Variants in FAT1 observed in about 807,000 individuals in gnomAD.
FAT1 encodes protocadherin Fat 1.
A neutral mutation model predicts 329.8 loss-of-function variants in FAT1; 171 were observed. That is an observed-to-expected ratio of 0.52 (90% confidence interval 0.46 to 0.59). The LOEUF is 0.59. FAT1 is among the 20% of genes least tolerant of loss of function. The pLI, the probability that FAT1 is intolerant of heterozygous loss-of-function variation, is 0.00. For synonymous variants in FAT1, 2,233 were observed against 2,228.6 expected, an observed-to-expected ratio of 1.00 and a Z score of -0.06; for missense variants, 5,672 against 5,774.4, an observed-to-expected ratio of 0.98 and a Z score of 0.57.
At chr4:186,669,981 G>T (rs1742657698) in intron 2 of FAT1, among the ~76,000 whole-genome samples, 1 of 152,178 alleles carries the variant, frequency 6.6e-6, no homozygotes. Flanking sequence ...CGCTGACACA[G>T]GTGGAACAGG....
chr4:186,656,679 C>A (rs327073), intron 3 of FAT1, among the ~76,000 whole-genome samples: 1 of 151,952 alleles, frequency 6.6e-6, no homozygotes, highest in African/African-American at 2.4e-5. Context: ...GGGTACAACA[C>A]AACAGCACAA....
At chr4:186,594,807 A>G (rs1164762268) in intron 26 of FAT1, among the ~76,000 whole-genome samples, 3 of 150,590 alleles carry the variant, frequency 2.0e-5, no homozygotes, top group African/African-American at 7.3e-5. Flanking sequence ...TGTATTATGG[A>G]CTATATTACT....
At chr4:186,711,864 G>C (rs111774077) in intron 1 of FAT1, among the ~76,000 whole-genome samples, 2 of 152,176 alleles carry the variant, frequency 1.3e-5, no homozygotes, top group African/African-American at 4.8e-5. Context: ...AGATTGCAGT[G>C]AGCCGAGATC....
At chr4:186,689,705 G>C (rs1222053019) in intron 2 of FAT1, among the ~76,000 whole-genome samples, 1 of 152,070 alleles carries the variant, frequency 6.6e-6, no homozygotes. Flanking sequence ...CAGGGTATCT[G>C]GCACCCACCC....
chr4:186,591,458 A>G (rs1313553943), intron 26 of FAT1, among the ~76,000 whole-genome samples: 3 of 152,220 alleles, frequency 2.0e-5, no homozygotes, highest in African/African-American at 7.2e-5. Flanking sequence ...AAAAGCAGCA[A>G]TTCCTTTAAA....
At chr4:186,723,575 G>GGGGACCGGGCGGACACCCACAGAGTC (rs1745559744) in intron 1 of FAT1, 89 bp downstream of exon 1, 2 of 152,216 alleles carry the variant, frequency 1.3e-5, no homozygotes, top group Non-Finnish European at 2.9e-5. Flanking sequence ...AGCCCGAGCC[G>GGGGACCGGGCGGACACCCACAGAGTC]GGGACCGGGC....
At chr4:186,609,396 A>G in intron 15 of FAT1, 76 bp from the exon 16 acceptor site, 6 of 1,505,530 alleles carry the variant, frequency 4.0e-6, no homozygotes, top group Middle Eastern at 1.8e-4. Context: ...TTGTGATATT[A>G]ATAGCTTAGC....
At chr4:186,699,630 C>A (rs982180338) in intron 2 of FAT1, among the ~76,000 whole-genome samples, 6 of 151,164 alleles carry the variant, frequency 4.0e-5, no homozygotes, top group East Asian at 1.9e-4. Flanking sequence ...GAAAAGATTG[C>A]GCTTTGTGGC....
intron 26 of FAT1, chr4:186,590,307 G>C: frequency 3.5e-6 from 4 of 1,128,870 alleles, no homozygotes; most frequent in Non-Finnish European, 3.6e-6. Flanking sequence ...TCAGCACTGG[G>C]GCAAGGCTTG....
rs1360419149 is a variant in FAT1, at chr4:186,628,767, T to A, written c.4324-4A>T. ...TGTCTATTACTTTGATGAATACCTG[T>A]AATGGATGACAAAATGACTCATACA... is the stretch of plus-strand genomic sequence containing the variant. On this transcript the variant is annotated splice_region_variant and splice_polypyrimidine_tract_variant and intron_variant, in intron 7 of 26. Transcript: ENST00000441802. 1.9e-6 allele frequency: 3 copies of A among 1,609,828 alleles called. No homozygotes were observed. The South Asian group carries it at 3.3e-5, about 18-fold the overall frequency.
chr4:186,696,033 C>T lies in FAT1; in HGVS notation c.3265+10530G>A, dbSNP rs191324949. Among the ~76,000 whole-genome samples, 26 of 152,294 alleles carry T rather than the reference C, an allele frequency of 1.7e-4. No individual in the cohort carries two copies. In the East Asian group the frequency reaches 4.6e-3, roughly 27 times the overall value. ...CTTGAACTCCTGACCTCAGATGATC[C>T]GCCCGCCTTCACCTCCCAAAGTGTT... On this transcript the variant is annotated intron_variant, in intron 2 of 26. Transcript: ENST00000441802.
At chr4:186,612,926 T>C (rs929958797) in intron 13 of FAT1, among the ~76,000 whole-genome samples, 183 bp downstream of exon 13, 1 of 152,206 alleles carries the variant, frequency 6.6e-6, no homozygotes, top group African/African-American at 2.4e-5. Flanking sequence ...GGCACAACTT[T>C]GGAACTTTAA....
At chr4:186,645,555 A>T (rs1450851728) in intron 3 of FAT1, among the ~76,000 whole-genome samples, 1 of 151,366 alleles carries the variant, frequency 6.6e-6, no homozygotes, top group Non-Finnish European at 1.5e-5. Context: ...TCATTTAGCA[A>T]AGTATTGAAG....
At chr4:186,611,948 C>A (rs1287186986) in intron 13 of FAT1, among the ~76,000 whole-genome samples, 173 bp from the exon 14 acceptor site, 1 of 151,650 alleles carries the variant, frequency 6.6e-6, no homozygotes. Flanking sequence ...CTCAGCCTCC[C>A]GAGTGGCTGG....
At chr4:186,691,418 C>T (rs188644324) in intron 2 of FAT1, among the ~76,000 whole-genome samples, 1 of 152,342 alleles carries the variant, frequency 6.6e-6, no homozygotes, top group East Asian at 1.9e-4. Context: ...ACCATCTCTA[C>T]ATTAGGTTTC....
chr4:186,629,884 T>G (rs780724829), intron 7 of FAT1, among the ~76,000 whole-genome samples: 4 of 152,232 alleles, frequency 2.6e-5, no homozygotes, highest in Admixed American at 6.5e-5. Context: ...TACAGGTCAA[T>G]GATGATCCAG....
At chr4:186,702,149 A>C (rs1036419488) in intron 2 of FAT1, among the ~76,000 whole-genome samples, 1 of 151,984 alleles carries the variant, frequency 6.6e-6, no homozygotes, top group African/African-American at 2.4e-5. Flanking sequence ...GTGCTCCAAC[A>C]CTCTCCATCG....
chr4:186,661,182 C>T (rs1328021696), intron 3 of FAT1, among the ~76,000 whole-genome samples: 2 of 152,116 alleles, frequency 1.3e-5, no homozygotes, highest in African/African-American at 4.8e-5. Context: ...CTCCCAGAAC[C>T]CCTGTTAGTC....
At position 186,707,244 on chromosome 4, in the gene FAT1, C is replaced by T. The variant is rs1877731; in HGVS notation, c.2584G>A (p.Val862Ile). The T allele has an allele frequency of 8.7e-6, 14 of 1,613,684 alleles. No individual in the cohort carries two copies. The highest frequency in any genetic ancestry group is 1.7e-6 in the Non-Finnish European group (2 of 1,179,856). ...GPNGHVTYSI[V>I]TDTDTFSIDS... is the part of the protein sequence containing the mutation. Reference sequence around the variant, plus strand: ...ATTGAAAATGTGTCTGTGTCTGTAACAATTGAGTACGTCACGTGTCCGTTG... The same window carrying T: ...ATTGAAAATGTGTCTGTGTCTGTAATAATTGAGTACGTCACGTGTCCGTTG... The change falls in exon 2 of 27, where the codon GTT (valine) becomes ATT (isoleucine). Residue 862 changes from valine to isoleucine, a missense_variant. By Grantham distance (29) the Val-to-Ile change is conservative. This residue lies in a region of FAT1 where 3,966 missense variants were observed against 3,915.2 expected (regional missense o/e 1.01). Coordinates refer to ENST00000441802, the MANE Select transcript of FAT1 (RefSeq NM_005245.4).
Sources: allele counts gnomAD v4.1 joint callset (sites outside exome capture counted in the v4.1 genomes callset), GRCh38; gene constraint gnomAD v4.1.1; regional missense constraint gnomAD v4.1.1; transcripts MANE v1.5; gene names NCBI Gene and HGNC (gene_info 2026-07-23, HGNC 2026-07-21).